The following PLCE1 variants were observed in gnomAD, a reference collection of about 807,000 sequenced individuals.
The protein encoded by PLCE1 is 1-phosphatidylinositol 4,5-bisphosphate phosphodiesterase epsilon-1.
PLCE1 carries 119 observed loss-of-function variants against 242.8 expected under a neutral mutation model. The observed-to-expected ratio is 0.49, with a 90% CI of 0.42 to 0.57. The LOEUF (loss-of-function observed/expected upper bound fraction) is 0.57. Ranked by LOEUF, PLCE1 falls within the 20% of genes least tolerant of loss-of-function variation. The probability of loss-of-function intolerance (pLI) is 0.00; values close to 1 mark genes in which losing one functional copy is unlikely to be tolerated. For missense variants in PLCE1, 2,441 were observed against 2,788.8 expected, an observed-to-expected ratio of 0.88 and a Z score of 2.81; for synonymous variants, 945 against 1,017.4, an observed-to-expected ratio of 0.93 and a Z score of 1.35.
chr10:94,298,651 C>G lies in PLCE1; in HGVS notation c.5440C>G (p.Leu1814Val). 3 of 1,614,166 alleles carry G rather than the reference C, an allele frequency of 1.9e-6. No homozygotes were observed. Among genetic ancestry groups the G allele is most frequent in the Non-Finnish European group, 2.5e-6 (3 of 1,180,016 alleles). The change falls in exon 24 of 33, where the codon CTC becomes GTC. Residue 1814 changes from leucine (L) to valine (V), a missense_variant. By Grantham distance (32) the Leu-to-Val change is conservative. Around this residue, in one of 5 missense-constraint regions of PLCE1, gnomAD observed 1,004 missense variants for 1,322.7 expected, o/e 0.76. Transcript: ENST00000371380. This position sits in a 1 kb window ranked among gnomAD's most constrained non-coding sequence, Gnocchi z 5.2. ...GCTCCATGGGATACAGCTTGTGGCACTCAACTACCAGACTGATGGTAAGGG... is the reference window on the plus strand; with the variant it reads ...GCTCCATGGGATACAGCTTGTGGCAGTCAACTACCAGACTGATGGTAAGGG... ...FWLHGIQLVA[L>V]NYQTDDLPLH...
At chr10:94,028,085 A>G (rs916482925) in intron 1 of PLCE1, among the ~76,000 whole-genome samples, 1 of 152,078 alleles carries the variant, frequency 6.6e-6, no homozygotes, top group Non-Finnish European at 1.5e-5. Context: ...TTTGGTTTCT[A>G]CTCTTTCAAA....
At chr10:94,132,072 G>A (rs2046614269) in intron 2 of PLCE1, 102 bp from the exon 3 acceptor site, 4 of 1,114,332 alleles carry the variant, frequency 3.6e-6, no homozygotes, top group Non-Finnish European at 5.3e-6. Context: ...TGGAGCATCT[G>A]AGCCTTCTTT....
Position 94,298,610 on chromosome 10 carries a change from AC to A in PLCE1, c.5404del (p.Leu1802SerfsTer24). 1.2e-6 allele frequency: 2 copies of A among 1,613,328 alleles called. No individual in the cohort carries two copies. The highest frequency in any genetic ancestry group is 2.2e-5 in the South Asian group (2 of 91,014). ...ACCCGCATCGACTCTTCCAACCCGAACCCCCTCATGTTCTGGCTCCATGGGA... is the reference window on the plus strand; with the variant it reads ...ACCCGCATCGACTCTTCCAACCCGAACCCCTCATGTTCTGGCTCCATGGGA... Reference protein sequence around the residue: ...AATRIDSSNPNPLMFWLHGIQ... With the variant: ...AATRIDSSNPXPLMFWLHGIQ... On this transcript the variant is annotated frameshift_variant, in exon 24 of 33. Transcript: ENST00000371380. LOFTEE classifies it high-confidence loss of function. The surrounding 1 kb of genome is among the most constrained non-coding windows in gnomAD (Gnocchi z 5.2).
At chr10:94,161,575 T>C (rs2047614684) in intron 3 of PLCE1, among the ~76,000 whole-genome samples, 1 of 152,242 alleles carries the variant, frequency 6.6e-6, no homozygotes, top group South Asian at 2.1e-4. Context: ...TGGGGTTTTC[T>C]AGATACACAA....
intron 1 of PLCE1, among the ~76,000 whole-genome samples, chr10:94,006,723 A>G (rs111696533): frequency 0.02 from 3,070 of 152,352 alleles, 105 homozygotes; most frequent in African/African-American, 0.066. Context: ...TTTTTATCAG[A>G]TACTTGGAGA....
rs769631306 is a variant in PLCE1 at position 94,322,007 on chromosome 10, G to A, written c.6449G>A (p.Arg2150Gln). Residue 2150 changes from arginine (R) to glutamine (Q), a missense_variant, in exon 30 of 33, where the codon CGA (arginine) becomes CAA (glutamine). Coordinates refer to ENST00000371380, the MANE Select transcript of PLCE1 (RefSeq NM_016341.4). ...QVHDVSPEQP[R>Q]TVIKAPRVST... ...CATGATGTTTCTCCAGAGCAACCTCGAACAGTCATCAAAGCACCCCGCGTC... is the reference window on the plus strand; with the variant it reads ...CATGATGTTTCTCCAGAGCAACCTCAAACAGTCATCAAAGCACCCCGCGTC... 9.3e-6 allele frequency: 15 copies of A among 1,614,012 alleles called. 1 individual carries two copies. Among genetic ancestry groups the A allele is most frequent in the South Asian group, 6.6e-5 (6 of 91,068 alleles).
chr10:94,054,890 T>G (rs2043860365), intron 2 of PLCE1, among the ~76,000 whole-genome samples: 1 of 151,306 alleles, frequency 6.6e-6, no homozygotes, highest in Admixed American at 6.6e-5. Flanking sequence ...TGGGTGCCTG[T>G]AATCCCAGCT....
intron 2 of PLCE1, among the ~76,000 whole-genome samples, chr10:94,086,300 G>A (rs557929098): frequency 6.6e-6 from 1 of 151,962 alleles, no homozygotes; most frequent in Non-Finnish European, 1.5e-5. Context: ...TTTATTTTAC[G>A]GCCACACCCA....
At chr10:94,055,011 CA>C (rs71306823) in intron 2 of PLCE1, among the ~76,000 whole-genome samples, 79 of 91,192 alleles carry the variant, frequency 8.7e-4, no homozygotes, top group Middle Eastern at 0.014. Context: ...GACTCCATCT[CA>C]AAAAAAAAAA....
At chr10:94,325,724 C>CTGA (rs1163519479) in intron 32 of PLCE1, 1 of 152,198 alleles carries the variant, frequency 6.6e-6, no homozygotes, top group Non-Finnish European at 1.5e-5. Flanking sequence ...CCAAAGTACT[C>CTGA]TGATAGCCTT....
chr10:94,118,444 CA>C (rs1471824086), intron 2 of PLCE1, among the ~76,000 whole-genome samples: 1 of 100,344 alleles, frequency 1.0e-5, no homozygotes, highest in Non-Finnish European at 2.3e-5. Context: ...ACCCAAATCT[CA>C]CCTTATAGCT....
At chr10:94,069,333 T>C (rs1444771649) in intron 2 of PLCE1, among the ~76,000 whole-genome samples, 2 of 152,160 alleles carry the variant, frequency 1.3e-5, no homozygotes, top group African/African-American at 4.8e-5. Context: ...GGCATGGTGG[T>C]TCATGCCTGT....
chr10:94,014,277 A>G (rs1378445057), intron 1 of PLCE1, among the ~76,000 whole-genome samples: 1 of 152,084 alleles, frequency 6.6e-6, no homozygotes, highest in Non-Finnish European at 1.5e-5. Context: ...TTGTGGTAAA[A>G]TATACATAAC....
chr10:94,301,701 A>G (rs2053044349), intron 24 of PLCE1, among the ~76,000 whole-genome samples: 2 of 152,142 alleles, frequency 1.3e-5, no homozygotes, highest in South Asian at 4.2e-4. Context: ...AACACTCAAT[A>G]AAACCAACTC....
chr10:94,071,897 AT>A (rs927815282), intron 2 of PLCE1, among the ~76,000 whole-genome samples: 85 of 151,058 alleles, frequency 5.6e-4, no homozygotes, highest in African/African-American at 2.0e-3. Flanking sequence ...TTATCTTCCC[AT>A]TTTTGTCTCT....
At chr10:94,052,692 G>C (rs1365335664) in intron 2 of PLCE1, among the ~76,000 whole-genome samples, 1 of 151,858 alleles carries the variant, frequency 6.6e-6, no homozygotes, top group Non-Finnish European at 1.5e-5. Context: ...AAAGTCCAAA[G>C]TGTCTTTTCC....
intron 4 of PLCE1, among the ~76,000 whole-genome samples, chr10:94,212,648 C>T (rs1269053780): frequency 6.6e-6 from 1 of 152,208 alleles, no homozygotes; most frequent in Non-Finnish European, 1.5e-5. Context: ...ACCTCAGCCT[C>T]CCAAAATGCT....
In PLCE1 at chr10:94,269,055, C is replaced by G; in HGVS notation, c.4389+19C>G. ...CTTCAAGGTAATCCTTCATAACTTT[C>G]TTTAAATCAAATCACAAAGAGACAT... is the stretch of plus-strand genomic sequence containing the variant. On this transcript the variant is annotated intron_variant, in intron 17 of 32. Transcript: ENST00000371380. 1.1e-6 allele frequency: 1 copy of G among 878,124 alleles called. No homozygotes were observed. The allele number at this position is 878,124 out of a possible 1,614,324, so 54.4% of individuals were successfully genotyped here.
Position 94,234,209 on chromosome 10 carries a change from C to A in PLCE1, c.2111C>A (p.Pro704Gln). ...ALHIPGCKVV[P>Q]FCGVFLKELC... ...CACATCCCTGGCTGTAAGGTGGTTC[C>A]ATTCTGTGGGGTGTTTCTGAAGGAG... Residue 704 changes from proline (P) to glutamine (Q), a missense_variant, in exon 6 of 33, where the codon CCA becomes CAA. Around this residue, in one of 5 missense-constraint regions of PLCE1, gnomAD observed 733 missense variants for 754.2 expected, o/e 0.97. Transcript: ENST00000371380. The A allele has an allele frequency of 1.2e-6, 2 of 1,614,098 alleles. No individual in the cohort carries two copies. The highest frequency in any genetic ancestry group is 8.5e-7 in the Non-Finnish European group (1 of 1,180,006).
Sources: gnomAD v4.1 joint callset for allele counts (sites outside exome capture counted in the v4.1 genomes callset) on GRCh38, gnomAD v4.1.1 for gene constraint, gnomAD v4.1.1 regional missense constraint, Gnocchi (gnomAD v3.1) non-coding constraint, MANE v1.5 for transcripts, NCBI Gene and HGNC (gene_info 2026-07-23, HGNC 2026-07-21) for gene names.